SV2B: variants seen among roughly 807,000 people sequenced by gnomAD.
SV2B encodes synaptic vesicle glycoprotein 2B.
Under a neutral mutation model 73.9 loss-of-function variants are expected in SV2B, and 41 were observed. The ratio of observed to expected loss-of-function variants is 0.56; its 90% CI spans 0.43 to 0.72. The LOEUF (loss-of-function observed/expected upper bound fraction) is 0.72. Ranked by LOEUF, SV2B falls within the 30% of genes least tolerant of loss-of-function variation. The pLI, the probability that SV2B is intolerant of heterozygous loss-of-function variation, is 0.00. For synonymous variants in SV2B, 314 were observed against 314.2 expected (o/e 1.00, Z 0.01); for missense variants, 764 against 857.8 (o/e 0.89, Z 1.37).
chr15:91,240,551 A>T lies in SV2B; in HGVS notation c.452-11268A>T, dbSNP rs921097826. ...GGCTAAAAAACCCCAAAAAACCAAGATGGCTCTCTCTGACCTCCATTTTTC... is the reference window on the plus strand; with the variant it reads ...GGCTAAAAAACCCCAAAAAACCAAGTTGGCTCTCTCTGACCTCCATTTTTC... On this transcript the variant is annotated intron_variant, in intron 2 of 12. Transcript: ENST00000394232. The surrounding 1 kb of genome is among the most constrained non-coding windows in gnomAD (Gnocchi z 4.6). 1.3e-5 allele frequency among the ~76,000 whole-genome samples: 2 copies of T among 152,202 alleles called. No homozygotes were observed. The highest frequency in any genetic ancestry group is 2.9e-5 in the Non-Finnish European group (2 of 68,036).
At chr15:91,152,069 C>CGCTTT (rs2043329785) in intron 1 of SV2B, among the ~76,000 whole-genome samples, 1 of 103,410 alleles carries the variant, frequency 9.7e-6, no homozygotes, top group African/African-American at 4.2e-5. Context: ...TTAATTTTTA[C>CGCTTT]TCTTTTTTTT....
At chr15:91,114,942 G>A (rs1596421449) in intron 1 of SV2B, among the ~76,000 whole-genome samples, 1 of 152,188 alleles carries the variant, frequency 6.6e-6, no homozygotes, top group Admixed American at 6.5e-5. Context: ...AGCTTTGTGT[G>A]CTCAGTTCGT....
intron 5 of SV2B, among the ~76,000 whole-genome samples, chr15:91,259,054 T>A (rs573971281): frequency 6.6e-6 from 1 of 151,794 alleles, no homozygotes; most frequent in Non-Finnish European, 1.5e-5. Context: ...CATGGTTGTG[T>A]CACTGCACTC....
chr15:91,235,771 T>C (rs1284278638), intron 2 of SV2B, among the ~76,000 whole-genome samples: 1 of 152,234 alleles, frequency 6.6e-6, no homozygotes, highest in Non-Finnish European at 1.5e-5. Context: ...AACTCCTTGT[T>C]GAAACTTACA....
rs763845577 is a variant in SV2B, at chr15:91,141,089, C to A, written c.-392+40726C>A. Among the ~76,000 whole-genome samples, 5 of 152,186 alleles carry A rather than the reference C, an allele frequency of 3.3e-5. No homozygotes were observed. The highest frequency in any genetic ancestry group is 7.3e-5 in the Non-Finnish European group (5 of 68,028). On this transcript the variant is annotated intron_variant, in intron 1 of 12. Coordinates refer to ENST00000394232, the MANE Select transcript of SV2B (RefSeq NM_001323032.3). This position sits in a 1 kb window ranked among gnomAD's most constrained non-coding sequence, Gnocchi z 4.6. ...GCATAGGATCACACTGTTTCTTAAA[C>A]CCCACTTCTGGAACTGGCTACATTC...
At chr15:91,103,775 G>A (rs2041803340) in intron 1 of SV2B, among the ~76,000 whole-genome samples, 1 of 152,194 alleles carries the variant, frequency 6.6e-6, no homozygotes, top group Non-Finnish European at 1.5e-5. Context: ...AGAGAGTCTG[G>A]CTGGGTGTCC....
chr15:91,114,320 A>G (rs994613929), intron 1 of SV2B, among the ~76,000 whole-genome samples: 34 of 152,180 alleles, frequency 2.2e-4, no homozygotes, highest in Admixed American at 1.8e-3. Flanking sequence ...GGGTTAATCT[A>G]TGAGTTCACC....
chr15:91,109,146 C>T lies in SV2B; in HGVS notation c.-392+8783C>T, dbSNP rs568856117. On this transcript the variant is annotated intron_variant, in intron 1 of 12. Coordinates refer to ENST00000394232, the MANE Select transcript of SV2B (RefSeq NM_001323032.3). ...CATTTTACAGATGAGATATCTGAGGCGCAGAGAAAAGAAATGACAGACAAA... is the reference window on the plus strand; with the variant it reads ...CATTTTACAGATGAGATATCTGAGGTGCAGAGAAAAGAAATGACAGACAAA... Among the ~76,000 whole-genome samples, 5 of 152,328 alleles carry T rather than the reference C, an allele frequency of 3.3e-5. No individual in the cohort carries two copies. In the East Asian group the frequency reaches 7.7e-4, roughly 23 times the overall value.
chr15:91,260,189 G>C (rs1291252343), intron 5 of SV2B, 131 bp from the exon 6 acceptor site: 8 of 705,900 alleles, frequency 1.1e-5, no homozygotes, highest in Non-Finnish European at 1.9e-5. Flanking sequence ...GAGTCCATGT[G>C]CAATTGCCTC....
At position 91,115,217 on chromosome 15, in the gene SV2B, T is replaced by C. The variant is rs2042143762; in HGVS notation, c.-392+14854T>C. Among the ~76,000 whole-genome samples, 1 of 152,180 alleles carries C rather than the reference T, an allele frequency of 6.6e-6. No individual in the cohort carries two copies. Among genetic ancestry groups the C allele is most frequent in the Admixed American group, 6.5e-5 (1 of 15,282 alleles). On this transcript the variant is annotated intron_variant, in intron 1 of 12. Coordinates refer to ENST00000394232, the MANE Select transcript of SV2B (RefSeq NM_001323032.3). The surrounding 1 kb of genome is among the most constrained non-coding windows in gnomAD (Gnocchi z 4.3). The stretch of plus-strand genomic sequence containing the variant: ...CCTTTAAAGGAAAATTGGAGAGTTG[T>C]TGCTGAAAGAAGAGGACATGGGTCC...
At chr15:91,249,805 C>T (rs997804317) in intron 2 of SV2B, among the ~76,000 whole-genome samples, 2 of 152,138 alleles carry the variant, frequency 1.3e-5, no homozygotes, top group Non-Finnish European at 2.9e-5. Flanking sequence ...TCCGCCAACA[C>T]TCAATTATGA....
In SV2B at chr15:91,268,866, G is replaced by A. The variant is rs1031997861; in HGVS notation, c.1373+261G>A. Among the ~76,000 whole-genome samples, 38 of 152,192 alleles carry A rather than the reference G, an allele frequency of 2.5e-4. No homozygotes were observed. Among genetic ancestry groups the A allele is most frequent in the Admixed American group, 2.0e-3 (30 of 15,292 alleles). On this transcript the variant is annotated intron_variant, in intron 9 of 12. Transcript: ENST00000394232. The surrounding 1 kb of genome is among the most constrained non-coding windows in gnomAD (Gnocchi z 4.4). ...AGGATGGAGACATTTGACTGAGGAC[G>A]GTCAGTTGGGCCATTTTTCCAAGTG...
intron 1 of SV2B, among the ~76,000 whole-genome samples, chr15:91,144,368 A>G (rs1211389337): frequency 6.6e-6 from 1 of 152,220 alleles, no homozygotes; most frequent in Non-Finnish European, 1.5e-5. Flanking sequence ...GACCTTGGGT[A>G]ACATGCTGCC....
In SV2B at chr15:91,141,181, G is replaced by C. The variant is rs2042986037; in HGVS notation, c.-392+40818G>C. 6.6e-6 allele frequency among the ~76,000 whole-genome samples: 1 copy of C among 152,196 alleles called. No homozygotes were observed. The highest frequency in any genetic ancestry group is 2.4e-5 in the African/African-American group (1 of 41,434). ...CATTCCCACAGGATTTTCTTCGGTA[G>C]GTCTGCATTGAGGCCTGAGAAACTC... is the stretch of plus-strand genomic sequence containing the variant. On this transcript the variant is annotated intron_variant, in intron 1 of 12. Transcript: ENST00000394232. This position sits in a 1 kb window ranked among gnomAD's most constrained non-coding sequence, Gnocchi z 4.6.
chr15:91,226,588 T>C lies in SV2B; in HGVS notation c.325T>C (p.Trp109Arg). The C allele has an allele frequency of 6.2e-7, 1 of 1,614,168 alleles. No homozygotes were observed. The highest frequency in any genetic ancestry group is 8.5e-7 in the Non-Finnish European group (1 of 1,180,010). Residue 109 changes from tryptophan to arginine, a missense_variant, in exon 2 of 13, where the codon TGG (tryptophan) becomes CGG (arginine). Physicochemically the swap from Trp to Arg is moderately radical, Grantham distance 101. Transcript: ENST00000394232. ...TGAGTGTGGCCATGGCCGCTTCCAG[T>C]GGATCCTCTTTTTCGTCTTGGGTTT... ...MDECGHGRFQWILFFVLGLAL... is the reference protein window; with the variant it reads ...MDECGHGRFQRILFFVLGLAL...
intron 1 of SV2B, among the ~76,000 whole-genome samples, chr15:91,192,968 T>A (rs139880834): frequency 1.1e-4 from 17 of 152,332 alleles, no homozygotes; most frequent in African/African-American, 4.1e-4. Flanking sequence ...GCTCTCATAC[T>A]ATGGATTATT....
At chr15:91,218,024 C>T (rs2046092609) in intron 1 of SV2B, among the ~76,000 whole-genome samples, 1 of 152,220 alleles carries the variant, frequency 6.6e-6, no homozygotes, top group Non-Finnish European at 1.5e-5. Flanking sequence ...GGTATTCTTT[C>T]TTATCGTTGC....
In SV2B at chr15:91,263,333, TACAG is replaced by T. The variant is rs998815351; in HGVS notation, c.1008+2928_1008+2931del. On this transcript the variant is annotated intron_variant, in intron 6 of 12. Coordinates refer to ENST00000394232, the MANE Select transcript of SV2B (RefSeq NM_001323032.3). ...ACACACGGACACACAGAGGCACACA[TACAG>T]ACACACATGAAGACAGACACACAGA... Among the ~76,000 whole-genome samples, 5 of 118,960 alleles carry T rather than the reference TACAG, an allele frequency of 4.2e-5. No homozygotes were observed. In the South Asian group the frequency reaches 1.1e-3, roughly 26 times the overall value. 78.0% of individuals were successfully genotyped at this position (118,960 alleles called of 152,430 possible).
intron 6 of SV2B, among the ~76,000 whole-genome samples, chr15:91,260,828 T>G (rs987938109): frequency 4.6e-5 from 7 of 152,040 alleles, no homozygotes; most frequent in Non-Finnish European, 2.9e-5. Context: ...AAATGAGGAA[T>G]TTGCAAAAGC....
Sources: allele counts gnomAD v4.1 joint callset (sites outside exome capture counted in the v4.1 genomes callset), GRCh38; gene constraint gnomAD v4.1.1; non-coding constraint Gnocchi (gnomAD v3.1); transcripts MANE v1.5; gene names NCBI Gene and HGNC (gene_info 2026-07-23, HGNC 2026-07-21).